YTHDC2: variants seen among roughly 807,000 people sequenced by gnomAD.
YTHDC2 encodes 3'-5' RNA helicase YTHDC2.
YTHDC2 carries 45 observed loss-of-function variants against 174.9 expected under a neutral mutation model. The ratio of observed to expected loss-of-function variants is 0.26; its 90% CI spans 0.20 to 0.33. YTHDC2 has a LOEUF of 0.33. Ranked by LOEUF, YTHDC2 falls within the 10% of genes least tolerant of loss-of-function variation. The pLI, the probability that YTHDC2 is intolerant of heterozygous loss-of-function variation, is 1.00. For missense variants in YTHDC2, 1,650 were observed against 1,723.7 expected, an observed-to-expected ratio of 0.96 and a Z score of 0.76; for synonymous variants, 657 against 574.5, an observed-to-expected ratio of 1.14 and a Z score of -2.05.
chr5:113,553,731 G>C, intron 14 of YTHDC2, 36 bp from the exon 15 acceptor site: 1 of 1,612,486 alleles, frequency 6.2e-7, no homozygotes, highest in African/African-American at 1.3e-5. Context: ...TAACGGACAG[G>C]TCTTATAGTA....
At chr5:113,588,021 C>A (rs1474318270) in intron 26 of YTHDC2, among the ~76,000 whole-genome samples, 1 of 151,894 alleles carries the variant, frequency 6.6e-6, no homozygotes, top group African/African-American at 2.4e-5. Flanking sequence ...TGATACTGTT[C>A]TTTAGAATTT....
intron 10 of YTHDC2, among the ~76,000 whole-genome samples, chr5:113,548,167 AT>A (rs1459393442): frequency 6.6e-6 from 1 of 152,200 alleles, no homozygotes; most frequent in Non-Finnish European, 1.5e-5. Flanking sequence ...CTTTTAAATT[AT>A]TTAATTATGT....
chr5:113,517,335 A>G (rs1483844386), intron 2 of YTHDC2, among the ~76,000 whole-genome samples: 1 of 152,176 alleles, frequency 6.6e-6, no homozygotes. Context: ...GTGCTTGGAA[A>G]CACATGTTAT....
At chr5:113,516,039 A>T (rs996725543) in intron 2 of YTHDC2, among the ~76,000 whole-genome samples, 13 of 152,168 alleles carry the variant, frequency 8.5e-5, no homozygotes, top group African/African-American at 3.1e-4. Context: ...AATAATCCTT[A>T]TGGCAGAGTG....
chr5:113,564,188 G>A lies in YTHDC2; in HGVS notation c.2715+57G>A, dbSNP rs568254552. 8 of 1,457,074 alleles carry A rather than the reference G, an allele frequency of 5.5e-6. No homozygotes were observed. The South Asian group carries it at 1.1e-4, about 19-fold the overall frequency. The allele number at this position is 1,457,074 out of a possible 1,614,324, so 90.3% of individuals were successfully genotyped here. ...GTTGCTGGGTAAACACGTTTCTGGGGCAAATGTAGGAATTTTAAAAATAAT... is the reference window on the plus strand; with the variant it reads ...GTTGCTGGGTAAACACGTTTCTGGGACAAATGTAGGAATTTTAAAAATAAT... On this transcript the variant is annotated intron_variant, in intron 20 of 29. Transcript: ENST00000161863.
intron 12 of YTHDC2, among the ~76,000 whole-genome samples, chr5:113,552,140 T>C (rs1561662367): frequency 6.6e-6 from 1 of 152,148 alleles, no homozygotes; most frequent in Non-Finnish European, 1.5e-5. Context: ...AAAATATAAA[T>C]GATAGCTGAA....
rs1561676014 is a variant in YTHDC2 at position 113,561,966 on chromosome 5, GTGT to G, written c.2322+782_2322+784del. On this transcript the variant is annotated intron_variant, in intron 18 of 29. Coordinates refer to ENST00000161863, the MANE Select transcript of YTHDC2 (RefSeq NM_022828.5). ...ACCTCTATTAATTGTGGGTGTGTGTGTGTGTGTGTGTGTGTGTGTGTGTGTGTG... is the reference window on the plus strand; with the variant it reads ...ACCTCTATTAATTGTGGGTGTGTGTGGTGTGTGTGTGTGTGTGTGTGTGTG... 5.3e-4 allele frequency among the ~76,000 whole-genome samples: 55 copies of G among 103,528 alleles called. No homozygotes were observed. In the East Asian group the frequency reaches 0.015, roughly 28 times the overall value. The allele number at this position is 103,528 out of a possible 152,430, so 67.9% of individuals were successfully genotyped here. A position where few individuals can be genotyped will look rare whatever the true frequency, so the allele number is the denominator to read the frequency against.
At chr5:113,541,518 T>C (rs1267593549) in intron 9 of YTHDC2, among the ~76,000 whole-genome samples, 1 of 152,126 alleles carries the variant, frequency 6.6e-6, no homozygotes, top group African/African-American at 2.4e-5. Flanking sequence ...TACTGCATAA[T>C]TGAATGGTAA....
chr5:113,514,715 C>G (rs1181561985), intron 1 of YTHDC2, among the ~76,000 whole-genome samples: 1 of 151,904 alleles, frequency 6.6e-6, no homozygotes, highest in African/African-American at 2.4e-5. Context: ...TAGTCCAAAA[C>G]GGGGAATGTT....
chr5:113,552,438 C>T (rs998546198), intron 12 of YTHDC2, among the ~76,000 whole-genome samples: 1 of 152,068 alleles, frequency 6.6e-6, no homozygotes, highest in Non-Finnish European at 1.5e-5. Flanking sequence ...TAAATGAAAT[C>T]ATGTGATATG....
chr5:113,586,947 A>C (rs1400269983), intron 26 of YTHDC2, among the ~76,000 whole-genome samples: 1 of 88,656 alleles, frequency 1.1e-5, no homozygotes, highest in Admixed American at 1.6e-4. Flanking sequence ...ATGTATTCAT[A>C]TATAATATAT....
rs567012935 is a variant in YTHDC2 at position 113,548,294 on chromosome 5, C to G, written c.1496-247C>G. On this transcript the variant is annotated intron_variant, in intron 10 of 29. Transcript: ENST00000161863. ...TATAGATGAGCTTAAAACAGTTTAA[C>G]ATCGATCTTTCCTTCTCCTACCTTC... Among the ~76,000 whole-genome samples the G allele has an allele frequency of 2.6e-5, 4 of 152,254 alleles. No homozygotes were observed. In the South Asian group the frequency reaches 8.3e-4, roughly 32 times the overall value.
chr5:113,519,986 A>C (rs995042058), intron 2 of YTHDC2, among the ~76,000 whole-genome samples: 24 of 152,150 alleles, frequency 1.6e-4, no homozygotes, highest in African/African-American at 5.3e-4. Flanking sequence ...TGCACCTATC[A>C]ACTCATCAGC....
chr5:113,585,891 G>A lies in YTHDC2; in HGVS notation c.3825+1412G>A, dbSNP rs574810900. ...CTATGGTTGGTTTTTCCATTCATCAGTTGATGGACATTTGGGTTGTTTGCA... is the reference window on the plus strand; with the variant it reads ...CTATGGTTGGTTTTTCCATTCATCAATTGATGGACATTTGGGTTGTTTGCA... On this transcript the variant is annotated intron_variant, in intron 26 of 29. Transcript: ENST00000161863. 1.5e-4 allele frequency among the ~76,000 whole-genome samples: 23 copies of A among 151,908 alleles called. No individual in the cohort carries two copies. In the South Asian group the frequency reaches 4.8e-3, roughly 32 times the overall value.
intron 26 of YTHDC2, among the ~76,000 whole-genome samples, chr5:113,589,896 TG>T (rs1778916870): frequency 6.6e-6 from 1 of 152,220 alleles, no homozygotes; most frequent in Non-Finnish European, 1.5e-5. Flanking sequence ...TTATTACTTT[TG>T]GCATTTTTTT....
intron 23 of YTHDC2, among the ~76,000 whole-genome samples, chr5:113,572,833 T>G (rs1777817742): frequency 6.6e-6 from 1 of 152,196 alleles, no homozygotes; most frequent in Admixed American, 6.5e-5. Flanking sequence ...ATCCCTTTCT[T>G]TTGAGCCTAT....
chr5:113,524,629 C>G (rs1335765992), intron 2 of YTHDC2, among the ~76,000 whole-genome samples: 1 of 151,974 alleles, frequency 6.6e-6, no homozygotes, highest in Non-Finnish European at 1.5e-5. Context: ...TTCTATTGTT[C>G]AGATTGATTT....
At position 113,513,725 on chromosome 5, in the gene YTHDC2, A is replaced by T. The variant is rs1199634655; in HGVS notation, c.-171A>T. 11 of 686,932 alleles carry T rather than the reference A, an allele frequency of 1.6e-5. No homozygotes were observed. Among genetic ancestry groups the T allele is most frequent in the Non-Finnish European group, 6.8e-6 (3 of 441,364 alleles). 42.6% of individuals were successfully genotyped at this position (686,932 alleles called of 1,614,324 possible). On this transcript the variant is annotated 5_prime_UTR_variant, in exon 1 of 30. Coordinates refer to ENST00000161863, the MANE Select transcript of YTHDC2 (RefSeq NM_022828.5). ...CGCCTGGCCGTGATATCAATGGCGCAGGCTTCACTTCTGCTGTGGCGGTGA... is the reference window on the plus strand; with the variant it reads ...CGCCTGGCCGTGATATCAATGGCGCTGGCTTCACTTCTGCTGTGGCGGTGA...
intron 12 of YTHDC2, among the ~76,000 whole-genome samples, chr5:113,552,841 G>T (rs1254181207): frequency 6.6e-6 from 1 of 152,000 alleles, no homozygotes; most frequent in African/African-American, 2.4e-5. Context: ...CTGTCTTTTT[G>T]ATTGTAGTCA....
Sources: gnomAD v4.1 joint callset for allele counts (sites outside exome capture counted in the v4.1 genomes callset) on GRCh38, gnomAD v4.1.1 for gene constraint, MANE v1.5 for transcripts, NCBI Gene and HGNC (gene_info 2026-07-23, HGNC 2026-07-21) for gene names.